PANX3: variants seen among roughly 807,000 people sequenced by gnomAD.
The protein encoded by PANX3 is pannexin 3.
In PANX3, 18 loss-of-function variants were observed where a neutral mutation model predicts 31.5. The ratio of observed to expected loss-of-function variants is 0.57; its 90% CI spans 0.39 to 0.85. The LOEUF is 0.85. PANX3 is among the 40% of genes least tolerant of loss of function. The pLI, the probability that PANX3 is intolerant of heterozygous loss-of-function variation, is 0.00. For missense variants in PANX3, 426 were observed against 485.4 expected, an observed-to-expected ratio of 0.88 and a Z score of 1.15; for synonymous variants, 194 against 201.6, an observed-to-expected ratio of 0.96 and a Z score of 0.32.
chr11:124,613,110 C>T lies in PANX3; in HGVS notation c.312C>T (p.Leu104=). The T allele has an allele frequency of 6.2e-7, 1 of 1,613,650 alleles. No homozygotes were observed. The change falls in exon 2 of 4, where the codon CTC becomes CTT. Residue 104 remains leucine (L), a synonymous_variant. Transcript: ENST00000284288. ...DGPGQDKMKS[L]WPHKALPYSL... is the part of the protein sequence containing the mutation. ...CTGGCCAGGACAAAATGAAATCTCT[C>T]TGGCCCCACAAGGTAAAGCAAACTC...
Position 124,616,644 on chromosome 11 carries a change from A to T in PANX3, c.325-630A>T, listed in dbSNP as rs554962435. ...ATGGATTCCTGAAAGTCACTTATAGATTTACATGCCTGAAAGAGCCCCGCA... is the reference window on the plus strand; with the variant it reads ...ATGGATTCCTGAAAGTCACTTATAGTTTTACATGCCTGAAAGAGCCCCGCA... On this transcript the variant is annotated intron_variant, in intron 2 of 3. Transcript: ENST00000284288. The surrounding 1 kb of genome is among the most constrained non-coding windows in gnomAD (Gnocchi z 4.8). Among the ~76,000 whole-genome samples, 1 of 152,320 alleles carries T rather than the reference A, an allele frequency of 6.6e-6. No individual in the cohort carries two copies. Among genetic ancestry groups the T allele is most frequent in the East Asian group, 1.9e-4 (1 of 5,180 alleles).
At chr11:124,617,149 C>A in intron 2 of PANX3, 125 bp from the exon 3 acceptor site, 1 of 805,482 alleles carries the variant, frequency 1.2e-6, no homozygotes, top group Non-Finnish European at 2.0e-6. Flanking sequence ...CCTGGGCTAG[C>A]CCATTCCCCA....
At chr11:124,615,801 C>G (rs915611785) in intron 2 of PANX3, among the ~76,000 whole-genome samples, 1 of 152,120 alleles carries the variant, frequency 6.6e-6, no homozygotes, top group Admixed American at 6.5e-5. Flanking sequence ...CACTTGAGGT[C>G]AGGAATTCAA....
intron 1 of PANX3, 61 bp from the exon 2 acceptor site, chr11:124,612,919 C>T (rs374498309): frequency 6.3e-7 from 1 of 1,585,726 alleles, no homozygotes; most frequent in Non-Finnish European, 8.6e-7. Flanking sequence ...AGATGATTGC[C>T]CCTGAGTCCC....
rs1348188643 is a variant in PANX3, at chr11:124,619,555, T to C, written c.799T>C (p.Ser267Pro). The change falls in exon 4 of 4, where the codon TCC becomes CCC. Residue 267 changes from serine to proline, a missense_variant. By Grantham distance (74) the Ser-to-Pro change is moderately conservative. Coordinates refer to ENST00000284288, the MANE Select transcript of PANX3 (RefSeq NM_052959.3). Reference sequence around the variant, plus strand: ...GATCACATGCAGGCTGACATCACTGTCCATTTTCCAGATTGTTAGCCTCTC... The same window carrying C: ...GATCACATGCAGGCTGACATCACTGCCCATTTTCCAGATTGTTAGCCTCTC... ...NLITCRLTSL[S>P]IFQIVSLSSV... 6.2e-7 allele frequency: 1 copy of C among 1,614,228 alleles called. No homozygotes were observed. Among genetic ancestry groups the C allele is most frequent in the Non-Finnish European group, 8.5e-7 (1 of 1,180,040 alleles).
intron 1 of PANX3, among the ~76,000 whole-genome samples, chr11:124,612,351 A>C (rs1863104200): frequency 6.6e-6 from 1 of 152,206 alleles, no homozygotes; most frequent in Non-Finnish European, 1.5e-5. Flanking sequence ...GTTAAAGAGA[A>C]TGTGGACTTC....
rs181109100 is a variant in PANX3, at chr11:124,611,705, T to A, written c.149T>A (p.Met50Lys). 6 of 1,614,144 alleles carry A rather than the reference T, an allele frequency of 3.7e-6. No homozygotes were observed. In the East Asian group the frequency reaches 1.1e-4, roughly 30 times the overall value. The change falls in exon 1 of 4, where the codon ATG becomes AAG. Residue 50 changes from methionine (M) to lysine (K), a missense_variant. Met to Lys is a moderately conservative substitution (Grantham distance 95). Transcript: ENST00000284288. ...FVAVGSPLLL[M>K]SLAFAQEFSS... ...GCTGTGGGCTCCCCCTTGTTGCTGA[T>A]GTCCCTGGCATTCGCCCAGGAGTTC...
At position 124,611,571 on chromosome 11, in the gene PANX3, C is replaced by T; in HGVS notation, c.15C>T (p.His5=). MSLA[H]TAAEYMLSDA... is the part of the protein sequence containing the mutation. ...TCAGCAGCATCATGTCACTTGCACA[C>T]ACAGCTGCAGAGTACATGCTCTCAG... Residue 5 remains histidine (H), a synonymous_variant, in exon 1 of 4, where the codon CAC becomes CAT. Coordinates refer to ENST00000284288, the MANE Select transcript of PANX3 (RefSeq NM_052959.3). 1 of 1,612,276 alleles carries T rather than the reference C, an allele frequency of 6.2e-7. No individual in the cohort carries two copies. The highest frequency in any genetic ancestry group is 8.5e-7 in the Non-Finnish European group (1 of 1,178,920).
Position 124,615,046 on chromosome 11 carries a change from T to C in PANX3, c.324+1924T>C, listed in dbSNP as rs145429135. Among the ~76,000 whole-genome samples the C allele has an allele frequency of 7.4e-4, 112 of 152,048 alleles. 1 individual carries two copies. The East Asian group carries it at 0.019, about 26-fold the overall frequency. On this transcript the variant is annotated intron_variant, in intron 2 of 3. Transcript: ENST00000284288. ...AGCCTGGTGTGCCTTTCCCAACATATCTTTCTTGTTTAATTCAGAAAACAC... is the reference window on the plus strand; with the variant it reads ...AGCCTGGTGTGCCTTTCCCAACATACCTTTCTTGTTTAATTCAGAAAACAC...
chr11:124,614,535 T>C (rs1863130863), intron 2 of PANX3, among the ~76,000 whole-genome samples: 1 of 152,182 alleles, frequency 6.6e-6, no homozygotes, highest in African/African-American at 2.4e-5. Flanking sequence ...CCCAAAGTGC[T>C]GGGATTACAG....
At chr11:124,619,232 C>G in intron 3 of PANX3, 64 bp from the exon 4 acceptor site, 1 of 1,469,130 alleles carries the variant, frequency 6.8e-7, no homozygotes, top group South Asian at 1.3e-5. Flanking sequence ...TTGTCACATG[C>G]CTCTCTTAGA....
intron 3 of PANX3, among the ~76,000 whole-genome samples, chr11:124,618,008 G>A (rs1313292605): frequency 2.0e-5 from 3 of 152,206 alleles, no homozygotes; most frequent in Admixed American, 2.0e-4. Flanking sequence ...GGGGATGGGG[G>A]TAGGAGAGAC....
chr11:124,611,949 TAAAAAAA>T (rs56856352), intron 1 of PANX3, among the ~76,000 whole-genome samples: 27 of 98,010 alleles, frequency 2.8e-4, no homozygotes, highest in Non-Finnish European at 5.3e-4. Context: ...AATGTTACAG[TAAAAAAA>T]AAAAAAAAAA....
chr11:124,614,562 C>T (rs1435234580), intron 2 of PANX3, among the ~76,000 whole-genome samples: 1 of 152,072 alleles, frequency 6.6e-6, no homozygotes, highest in Non-Finnish European at 1.5e-5. Flanking sequence ...GCCATAGCAC[C>T]TGGCCACCAG....
intron 1 of PANX3, 55 bp downstream of exon 1, chr11:124,611,792 C>G: frequency 1.3e-6 from 2 of 1,545,802 alleles, no homozygotes; most frequent in Non-Finnish European, 1.8e-6. Flanking sequence ...ATGTCACTCT[C>G]TGCATGGGCT....
rs1591367382 is a variant in PANX3, at chr11:124,611,659, G to A, written c.103G>A (p.Asp35Asn). The A allele has an allele frequency of 6.2e-7, 1 of 1,614,206 alleles. No individual in the cohort carries two copies. The highest frequency in any genetic ancestry group is 1.3e-5 in the African/African-American group (1 of 75,054). Reference protein sequence around the residue: ...LKGLRLELPLDRIVKFVAVGS... With the variant: ...LKGLRLELPLNRIVKFVAVGS... ...AGGACTGCGTCTGGAACTGCCCCTG[G>A]ACCGGATAGTCAAGTTCGTAGCTGT... The change falls in exon 1 of 4, where the codon GAC (aspartate) becomes AAC (asparagine). Residue 35 changes from aspartate (D) to asparagine (N), a missense_variant. By Grantham distance (23) the Asp-to-Asn change is conservative. Coordinates refer to ENST00000284288, the MANE Select transcript of PANX3 (RefSeq NM_052959.3).
rs1246964907 is a variant in PANX3, at chr11:124,619,925, A to AAC, written c.1172_1173dup (p.Pro392ThrfsTer4). On this transcript the variant is annotated frameshift_variant, in exon 4 of 4. Transcript: ENST00000284288. LOFTEE classifies it high-confidence loss of function. ...CACCTCACCAACTCGGCATGTGATG[A>AAC]ACACCCATAGTTAAGAAACCATGGA... 6.2e-7 allele frequency: 1 copy of AAC among 1,604,222 alleles called. No homozygotes were observed. The highest frequency in any genetic ancestry group is 2.2e-5 in the East Asian group (1 of 44,836).
chr11:124,619,418 C>T lies in PANX3; in HGVS notation c.662C>T (p.Ser221Phe). ...LRNSLLLIFT[S>F]ATYLYLGHFH... ...AACTCCCTCTTGCTCATCTTCACCT[C>T]CGCCACTTACCTATACCTTGGTCAT... is the stretch of plus-strand genomic sequence containing the variant. The change falls in exon 4 of 4, where the codon TCC becomes TTC. Residue 221 changes from serine to phenylalanine, a missense_variant. Coordinates refer to ENST00000284288, the MANE Select transcript of PANX3 (RefSeq NM_052959.3). 1 of 1,614,212 alleles carries T rather than the reference C, an allele frequency of 6.2e-7. No individual in the cohort carries two copies. Among genetic ancestry groups the T allele is most frequent in the Non-Finnish European group, 8.5e-7 (1 of 1,180,042 alleles).
chr11:124,612,546 A>T (rs1376548338), intron 1 of PANX3, among the ~76,000 whole-genome samples: 1 of 152,232 alleles, frequency 6.6e-6, no homozygotes, highest in African/African-American at 2.4e-5. Flanking sequence ...CTCTCCTCCA[A>T]GTCCACTTTC....
Sources: gnomAD v4.1 joint callset for allele counts (sites outside exome capture counted in the v4.1 genomes callset) on GRCh38, gnomAD v4.1.1 for gene constraint, Gnocchi (gnomAD v3.1) non-coding constraint, MANE v1.5 for transcripts, NCBI Gene and HGNC (gene_info 2026-07-23, HGNC 2026-07-21) for gene names.